Variants in KALRN observed in about 807,000 individuals in gnomAD.
KALRN encodes kalirin RhoGEF kinase.
Under a neutral mutation model 353.7 loss-of-function variants are expected in KALRN, and 70 were observed. The ratio of observed to expected loss-of-function variants is 0.20; its 90% confidence interval spans 0.16 to 0.24. The LOEUF (loss-of-function observed/expected upper bound fraction) is 0.24, where lower values mean the gene tolerates loss of function less well. Among genes scored for constraint, KALRN ranks in the 10% least tolerant of loss-of-function variants. The probability of loss-of-function intolerance (pLI) is 1.00; values close to 1 mark genes in which losing one functional copy is unlikely to be tolerated. For missense variants in KALRN, 2,791 were observed against 3,756.7 expected, an observed-to-expected ratio of 0.74 and a Z score of 6.72; for synonymous variants, 1,391 against 1,434.8, an observed-to-expected ratio of 0.97 and a Z score of 0.69.
intron 51 of KALRN, among the ~76,000 whole-genome samples, chr3:124,687,371 C>T (rs1239351895): frequency 6.6e-6 from 1 of 152,162 alleles, no homozygotes; most frequent in African/African-American, 2.4e-5. Flanking sequence ...CCTAGGCTGC[C>T]AGGAGCAGCT....
At chr3:124,452,237 A>G (rs1368464170) in intron 21 of KALRN, among the ~76,000 whole-genome samples, 1 of 152,298 alleles carries the variant, frequency 6.6e-6, no homozygotes, top group East Asian at 1.9e-4. Flanking sequence ...CATGGGCCAA[A>G]TTTATCATCT....
intron 19 of KALRN, among the ~76,000 whole-genome samples, 191 bp from the exon 20 acceptor site, chr3:124,445,970 G>A (rs1371578573): frequency 2.0e-5 from 3 of 152,126 alleles, no homozygotes; most frequent in African/African-American, 7.2e-5. Context: ...TAGACTCCTC[G>A]ACCTTGCTCG....
In KALRN at chr3:124,424,261, T is replaced by C. The variant is rs529269007; in HGVS notation, c.2709+1283T>C. The stretch of plus-strand genomic sequence containing the variant: ...CAAAAAACCATCTTTCTTTTAAACA[T>C]TTTTTTTTCTTGTCTATAGCAGCTG... On this transcript the variant is annotated intron_variant, in intron 15 of 59. Transcript: ENST00000682506. 9.9e-5 allele frequency among the ~76,000 whole-genome samples: 15 copies of C among 151,652 alleles called. No individual in the cohort carries two copies. In the South Asian group the frequency reaches 2.9e-3, roughly 30 times the overall value.
At chr3:124,235,252 AAG>A (rs1396867324) in intron 3 of KALRN, among the ~76,000 whole-genome samples, 2 of 152,138 alleles carry the variant, frequency 1.3e-5, no homozygotes, top group African/African-American at 4.8e-5. Context: ...ATTGCCCCCA[AAG>A]AGAGTGAAAA....
chr3:124,267,583 G>A (rs1469136624), intron 4 of KALRN, among the ~76,000 whole-genome samples: 1 of 152,164 alleles, frequency 6.6e-6, no homozygotes, highest in East Asian at 1.9e-4. Flanking sequence ...TGGTATTTTT[G>A]CACACTCCCC....
chr3:124,560,169 G>A (rs2071789555), intron 33 of KALRN, among the ~76,000 whole-genome samples: 1 of 152,254 alleles, frequency 6.6e-6, no homozygotes, highest in Non-Finnish European at 1.5e-5. Flanking sequence ...TTGTATCTGG[G>A]TGCCATGCTG....
intron 9 of KALRN, among the ~76,000 whole-genome samples, chr3:124,341,846 T>C (rs2081758366): frequency 6.6e-6 from 1 of 152,142 alleles, no homozygotes; most frequent in Non-Finnish European, 1.5e-5. Flanking sequence ...AGTTAAGGCT[T>C]TCCATAGCCA....
At chr3:124,697,501 G>A (rs754467189) in intron 54 of KALRN, 92 bp from the exon 55 acceptor site, 10 of 1,295,968 alleles carry the variant, frequency 7.7e-6, no homozygotes, top group African/African-American at 1.5e-5. Context: ...TTGTGACATC[G>A]GTTAGGTAAT....
chr3:124,446,963 G>A, intron 21 of KALRN, 78 bp downstream of exon 21: 1 of 1,542,298 alleles, frequency 6.5e-7, no homozygotes, highest in South Asian at 1.2e-5. Flanking sequence ...TGGAAGCAAA[G>A]ACAGCTTCTG....
rs773771836 is a variant in KALRN, at chr3:124,609,698, G to A, written c.5183-22722G>A. 2.6e-5 allele frequency among the ~76,000 whole-genome samples: 4 copies of A among 152,210 alleles called. No homozygotes were observed. In the East Asian group the frequency reaches 7.7e-4, roughly 29 times the overall value. On this transcript the variant is annotated intron_variant, in intron 34 of 59. Coordinates refer to ENST00000682506, the MANE Select transcript of KALRN (RefSeq NM_001388419.1). ...GGGCTGGCTGTCTTGCAGGCTTGAG[G>A]CCTCACAGCCATTGCTGTATTACAA...
rs977874671 is a variant in KALRN at position 124,095,014 on chromosome 3, A to C, written c.73+61201A>C. Reference sequence around the variant, plus strand: ...AGCAGAGAGGGGAGGGGGGTCAAGAAGAGAGAGAAGGAATGAAACAGAGGC... The same window carrying C: ...AGCAGAGAGGGGAGGGGGGTCAAGACGAGAGAGAAGGAATGAAACAGAGGC... On this transcript the variant is annotated intron_variant, in intron 1 of 59. Coordinates refer to ENST00000682506, the MANE Select transcript of KALRN (RefSeq NM_001388419.1). 1.2e-5 allele frequency: 12 copies of C among 1,031,846 alleles called. No homozygotes were observed. The Admixed American group carries it at 1.9e-4, about 17-fold the overall frequency. 63.9% of individuals were successfully genotyped at this position (1,031,846 alleles called of 1,614,324 possible).
At chr3:124,422,122 A>G (rs764680779) in intron 14 of KALRN, among the ~76,000 whole-genome samples, 4 of 152,192 alleles carry the variant, frequency 2.6e-5, no homozygotes, top group Non-Finnish European at 4.4e-5. Flanking sequence ...CTAAATGGAT[A>G]AGCACTCATT....
intron 23 of KALRN, among the ~76,000 whole-genome samples, chr3:124,457,581 T>C (rs998382475): frequency 4.6e-5 from 7 of 152,252 alleles, no homozygotes; most frequent in African/African-American, 9.6e-5. Context: ...TTTTATGTCC[T>C]AAACATTACA....
intron 1 of KALRN, among the ~76,000 whole-genome samples, chr3:124,172,748 C>T (rs977374398): frequency 6.6e-6 from 1 of 152,022 alleles, no homozygotes; most frequent in African/African-American, 2.4e-5. Context: ...GCTGTGCTCC[C>T]TGTGTGTTGT....
chr3:124,115,494 T>A (rs1238206539), intron 1 of KALRN, among the ~76,000 whole-genome samples: 3 of 152,314 alleles, frequency 2.0e-5, no homozygotes, highest in African/African-American at 7.2e-5. Context: ...GTCCGTCAGA[T>A]TAGCAGCTAG....
At chr3:124,101,756 G>A (rs1177563417) in intron 1 of KALRN, among the ~76,000 whole-genome samples, 1 of 152,018 alleles carries the variant, frequency 6.6e-6, no homozygotes, top group African/African-American at 2.4e-5. Context: ...CTCTGTCATT[G>A]GCTTGCCTGC....
At chr3:124,161,669 A>G (rs2069980177) in intron 1 of KALRN, among the ~76,000 whole-genome samples, 1 of 152,238 alleles carries the variant, frequency 6.6e-6, no homozygotes, top group Non-Finnish European at 1.5e-5. Flanking sequence ...CTTTGCTCCC[A>G]GAAAGAAGCA....
chr3:124,486,701 C>T lies in KALRN; in HGVS notation c.4285-1503C>T, dbSNP rs531490230. 7.5e-4 allele frequency among the ~76,000 whole-genome samples: 114 copies of T among 152,206 alleles called. 1 individual carries two copies. Among genetic ancestry groups the T allele is most frequent in the Non-Finnish European group, 1.4e-3 (96 of 68,036 alleles). ...GTGACACAGGAAAGGGCCAGGACCACCAGTGCAGCTCCAAGCCCTTTCTTG... is the reference window on the plus strand; with the variant it reads ...GTGACACAGGAAAGGGCCAGGACCATCAGTGCAGCTCCAAGCCCTTTCTTG... On this transcript the variant is annotated intron_variant, in intron 28 of 59. Coordinates refer to ENST00000682506, the MANE Select transcript of KALRN (RefSeq NM_001388419.1).
chr3:124,549,418 C>G (rs1282657986), intron 33 of KALRN, among the ~76,000 whole-genome samples: 1 of 151,842 alleles, frequency 6.6e-6, no homozygotes, highest in Non-Finnish European at 1.5e-5. Context: ...CTCACACACA[C>G]ATACACGGGT....
Sources: allele counts gnomAD v4.1 joint callset (sites outside exome capture counted in the v4.1 genomes callset), GRCh38; gene constraint gnomAD v4.1.1; transcripts MANE v1.5; gene names NCBI Gene and HGNC (gene_info 2026-07-23, HGNC 2026-07-21).